The following MICAL3 variants were observed in gnomAD, a reference collection of about 807,000 sequenced individuals.
MICAL3 encodes the protein microtubule associated monooxygenase, calponin and LIM domain containing 3.
A neutral mutation model predicts 207.4 loss-of-function variants in MICAL3; 62 were observed. The observed-to-expected ratio is 0.30, with a 90% CI of 0.24 to 0.37. The LOEUF is 0.37. Among genes scored for constraint, MICAL3 ranks in the 10% least tolerant of loss-of-function variants. MICAL3 has a pLI of 1.00. For synonymous variants in MICAL3, 1,077 were observed against 1,069.3 expected, an observed-to-expected ratio of 1.01 and a Z score of -0.14; for missense variants, 2,368 against 2,635.6, an observed-to-expected ratio of 0.90 and a Z score of 2.22.
chr22:17,899,240 A>G (rs1931121981), intron 7 of MICAL3: 2 of 644,960 alleles, frequency 3.1e-6, no homozygotes, highest in Non-Finnish European at 5.7e-6. Flanking sequence ...GGTTCATTAC[A>G]CTATTCTCCC....
rs952399625 is a variant in MICAL3 at position 17,820,363 on chromosome 22, C to CT, written c.3531+1063dup. ...CTGTCTGCATGGACGCTGTAAATTT[C>CT]TTTTTTTTTGAGACGGAGTCTCGCT... On this transcript the variant is annotated intron_variant, in intron 25 of 31. Coordinates refer to ENST00000441493, the MANE Select transcript of MICAL3 (RefSeq NM_015241.3). 6.6e-5 allele frequency among the ~76,000 whole-genome samples: 10 copies of CT among 151,654 alleles called. No individual in the cohort carries two copies. The South Asian group carries it at 8.3e-4, about 13-fold the overall frequency.
At chr22:17,862,209 T>C (rs1926589866) in intron 19 of MICAL3, 1 of 984,892 alleles carries the variant, frequency 1.0e-6, no homozygotes, top group African/African-American at 1.8e-5. Flanking sequence ...TAATGACTGT[T>C]CTCTACAACA....
chr22:17,998,706 G>A (rs534051479), intron 1 of MICAL3, among the ~76,000 whole-genome samples: 4 of 151,878 alleles, frequency 2.6e-5, no homozygotes, highest in East Asian at 1.9e-4. Context: ...GATTACAGGC[G>A]CGCACCACCA....
intron 25 of MICAL3, among the ~76,000 whole-genome samples, chr22:17,820,921 CAT>C (rs1921539798): frequency 7.3e-6 from 1 of 137,898 alleles, no homozygotes; most frequent in African/African-American, 2.8e-5. Flanking sequence ...TATTTATAAA[CAT>C]AAATTTTAAT....
At chr22:17,831,424 C>T (rs971514219) in intron 21 of MICAL3, among the ~76,000 whole-genome samples, 1 of 152,210 alleles carries the variant, frequency 6.6e-6, no homozygotes, top group Non-Finnish European at 1.5e-5. Flanking sequence ...TCAACTGAGC[C>T]CCATCCAGTG....
At chr22:17,944,228 T>C (rs1933946695) in intron 1 of MICAL3, among the ~76,000 whole-genome samples, 1 of 152,210 alleles carries the variant, frequency 6.6e-6, no homozygotes, top group Non-Finnish European at 1.5e-5. Context: ...CAGTGTTTAC[T>C]TGTGCGTCAT....
chr22:17,854,443 G>A (rs1328962820), intron 19 of MICAL3, among the ~76,000 whole-genome samples: 8 of 152,122 alleles, frequency 5.3e-5, no homozygotes, highest in African/African-American at 1.4e-4. Flanking sequence ...GTAAGCTCAC[G>A]ACCCTTCACC....
Position 17,841,015 on chromosome 22 carries a change from G to A in MICAL3, c.2801+807C>T, listed in dbSNP as rs1193290712. On this transcript the variant is annotated intron_variant, in intron 20 of 31. Transcript: ENST00000441493. This position sits in a 1 kb window ranked among gnomAD's most constrained non-coding sequence, Gnocchi z 4.2. Reference sequence around the variant, plus strand: ...AGCGTTCTTGGACCTTAAAAAAACTGCTCTGCTCTCCTTATCCCCACATGT... The same window carrying A: ...AGCGTTCTTGGACCTTAAAAAAACTACTCTGCTCTCCTTATCCCCACATGT... The A allele has an allele frequency of 2.0e-5, 3 of 152,378 alleles. No homozygotes were observed. Among genetic ancestry groups the A allele is most frequent in the Admixed American group, 2.0e-4 (3 of 15,298 alleles). The allele number at this position is 152,378 out of a possible 1,614,324, so 9.4% of individuals were successfully genotyped here. A position where few individuals can be genotyped will look rare whatever the true frequency, so the allele number is the denominator to read the frequency against.
At position 17,822,885 on chromosome 22, in the gene MICAL3, A is replaced by G. The variant is rs927752145; in HGVS notation, c.3307+62T>C. On this transcript the variant is annotated intron_variant, in intron 23 of 31. Coordinates refer to ENST00000441493, the MANE Select transcript of MICAL3 (RefSeq NM_015241.3). ...CCTCACTGAGCTTGATTTTGCTGGA[A>G]AGCATATTGCCTTCATCTTCCCTGA... 9.9e-6 allele frequency: 11 copies of G among 1,108,044 alleles called. No individual in the cohort carries two copies. The Admixed American group carries it at 1.9e-4, about 19-fold the overall frequency. The allele number at this position is 1,108,044 out of a possible 1,614,324, so 68.6% of individuals were successfully genotyped here. A position where few individuals can be genotyped will look rare whatever the true frequency, so the allele number is the denominator to read the frequency against.
intron 28 of MICAL3, among the ~76,000 whole-genome samples, chr22:17,809,255 C>T (rs895234361): frequency 6.6e-6 from 1 of 152,242 alleles, no homozygotes; most frequent in Non-Finnish European, 1.5e-5. Flanking sequence ...AGTACCAGAA[C>T]CTCAGACTGT....
At chr22:17,809,517 C>G (rs2062021290) in intron 28 of MICAL3, among the ~76,000 whole-genome samples, 1 of 152,214 alleles carries the variant, frequency 6.6e-6, no homozygotes, top group Non-Finnish European at 1.5e-5. Context: ...GCCTGTAATC[C>G]CAGCTACTCG....
At chr22:17,912,981 T>C (rs1028453445) in intron 1 of MICAL3, among the ~76,000 whole-genome samples, 1 of 152,234 alleles carries the variant, frequency 6.6e-6, no homozygotes, top group Non-Finnish European at 1.5e-5. Context: ...TGGCTTTTAC[T>C]AGGTGAAGGT....
In MICAL3 at chr22:17,841,447, CA is replaced by C; in HGVS notation, c.2801+374del. The C allele has an allele frequency of 2.4e-6, 1 of 422,644 alleles. No homozygotes were observed. The highest frequency in any genetic ancestry group is 4.2e-6 in the Non-Finnish European group (1 of 235,710). The allele number at this position is 422,644 out of a possible 1,614,324, so 26.2% of individuals were successfully genotyped here. On this transcript the variant is annotated intron_variant, in intron 20 of 31. Coordinates refer to ENST00000441493, the MANE Select transcript of MICAL3 (RefSeq NM_015241.3). This position sits in a 1 kb window ranked among gnomAD's most constrained non-coding sequence, Gnocchi z 4.2. Reference sequence around the variant, plus strand: ...CCTGGGGGACGGACTAGGCCTCCCTCAAGACGGCCCGGTGCACTGGTGGCTG... The same window carrying C: ...CCTGGGGGACGGACTAGGCCTCCCTCAGACGGCCCGGTGCACTGGTGGCTG...
chr22:17,886,798 C>T (rs1216041225), intron 15 of MICAL3, among the ~76,000 whole-genome samples: 1 of 118,376 alleles, frequency 8.4e-6, no homozygotes, highest in Non-Finnish European at 1.6e-5. Context: ...GAGCCAGACT[C>T]TGTCTCAAAA....
chr22:18,012,341 G>A (rs555556822), intron 1 of MICAL3, among the ~76,000 whole-genome samples: 1 of 152,352 alleles, frequency 6.6e-6, no homozygotes, highest in East Asian at 1.9e-4. Flanking sequence ...GCAGCTGGCA[G>A]TCATCAGTGG....
chr22:17,949,405 A>G (rs1339588739), intron 1 of MICAL3, among the ~76,000 whole-genome samples: 1 of 152,118 alleles, frequency 6.6e-6, no homozygotes, highest in Admixed American at 6.5e-5. Context: ...TCACTGTAGA[A>G]ATCAGGCAAC....
chr22:17,803,243 G>C (rs1257462487), intron 29 of MICAL3, among the ~76,000 whole-genome samples: 1 of 152,190 alleles, frequency 6.6e-6, no homozygotes, highest in East Asian at 1.9e-4. Context: ...CCCCAGGACA[G>C]AGCAAGGAGG....
chr22:17,822,511 T>C (rs900544098), intron 23 of MICAL3, among the ~76,000 whole-genome samples: 1 of 152,216 alleles, frequency 6.6e-6, no homozygotes, highest in Non-Finnish European at 1.5e-5. Flanking sequence ...CCCACTTCTA[T>C]GCACCTCCTC....
In MICAL3 at chr22:17,787,913, G is replaced by A. The variant is rs1031306218; in HGVS notation, c.*2819C>T. On this transcript the variant is annotated 3_prime_UTR_variant, in exon 32 of 32. Transcript: ENST00000441493. ...CAAGCCCAGGGGCGGGAGCGCCTCCGGCCTGCCCTCCAGGGAAGCTGCATG... is the reference window on the plus strand; with the variant it reads ...CAAGCCCAGGGGCGGGAGCGCCTCCAGCCTGCCCTCCAGGGAAGCTGCATG... 2.6e-5 allele frequency: 4 copies of A among 152,254 alleles called. No homozygotes were observed. The highest frequency in any genetic ancestry group is 5.9e-5 in the Non-Finnish European group (4 of 68,052). 9.4% of individuals were successfully genotyped at this position (152,254 alleles called of 1,614,324 possible). A position where few individuals can be genotyped will look rare whatever the true frequency, so the allele number is the denominator to read the frequency against.
Sources: allele counts gnomAD v4.1 joint callset (sites outside exome capture counted in the v4.1 genomes callset), GRCh38; gene constraint gnomAD v4.1.1; non-coding constraint Gnocchi (gnomAD v3.1); transcripts MANE v1.5; gene names NCBI Gene and HGNC (gene_info 2026-07-23, HGNC 2026-07-21).